CDC6: variants seen among roughly 807,000 people sequenced by gnomAD.
CDC6 encodes the protein cell division cycle 6, also known as DNA replication factor CDC6.
Under a neutral mutation model 60.2 loss-of-function variants are expected in CDC6, and 46 were observed. That is an observed-to-expected ratio of 0.76 (90% CI 0.60 to 0.98). The LOEUF is 0.98. CDC6 is among the 50% of genes least tolerant of loss of function. The pLI is 0.00. For synonymous variants in CDC6, 210 were observed against 233.2 expected, an observed-to-expected ratio of 0.90 and a Z score of 0.90; for missense variants, 596 against 652.9, an observed-to-expected ratio of 0.91 and a Z score of 0.95.
At position 40,294,414 on chromosome 17, in the gene CDC6, G is replaced by A. The variant is rs372655847; in HGVS notation, c.994G>A (p.Ala332Thr). Residue 332 changes from alanine (A) to threonine (T), a missense_variant, in exon 7 of 12, where the codon GCT (alanine) becomes ACT (threonine). Ala to Thr is a moderately conservative substitution (Grantham distance 58, BLOSUM62 0). Coordinates refer to ENST00000209728, the MANE Select transcript of CDC6 (RefSeq NM_001254.4). ...LTDRILPRLQ[A>T]REKCKPQLLN... ...AGATAGAATTCTACCTAGGCTTCAA[G>A]CTAGAGAAAAATGTAAGCCACAGCT... 3 of 1,610,736 alleles carry A rather than the reference G, an allele frequency of 1.9e-6. No individual in the cohort carries two copies. Among genetic ancestry groups the A allele is most frequent in the Non-Finnish European group, 2.5e-6 (3 of 1,177,126 alleles).
intron 8 of CDC6, among the ~76,000 whole-genome samples, chr17:40,295,737 A>C (rs2032849488): frequency 6.6e-6 from 1 of 152,186 alleles, no homozygotes; most frequent in South Asian, 2.1e-4. Flanking sequence ...TGTATTAAAA[A>C]AGACTCCAGT....
chr17:40,297,734 C>A (rs968828892), intron 9 of CDC6, among the ~76,000 whole-genome samples: 1 of 151,950 alleles, frequency 6.6e-6, no homozygotes, highest in Admixed American at 6.6e-5. Context: ...TGCCACTGCA[C>A]TGCCAGCCTG....
intron 9 of CDC6, among the ~76,000 whole-genome samples, chr17:40,297,666 G>T (rs1347372099): frequency 6.6e-6 from 1 of 152,176 alleles, no homozygotes; most frequent in Non-Finnish European, 1.5e-5. Context: ...TACTTGGCAG[G>T]CTGAGGCAGG....
Position 40,304,080 on chromosome 17 carries a change from A to C in CDC6, c.*2079A>C. ...CACATTGGTAGATTCAAAGGGGCCA[A>C]ATTTCTTTCCCCTCTATCTTTCCCT... On this transcript the variant is annotated 3_prime_UTR_variant, in exon 12 of 12. Coordinates refer to ENST00000209728, the MANE Select transcript of CDC6 (RefSeq NM_001254.4). The C allele has an allele frequency of 6.6e-6, 1 of 152,258 alleles. No homozygotes were observed. 9.4% of individuals were successfully genotyped at this position (152,258 alleles called of 1,614,324 possible).
intron 1 of CDC6, 128 bp from the exon 2 acceptor site, chr17:40,289,280 G>A: frequency 1.2e-6 from 1 of 818,270 alleles, no homozygotes; most frequent in Admixed American, 2.1e-5. Flanking sequence ...AAAAGTGAAT[G>A]CTAAAATAAG....
intron 4 of CDC6, among the ~76,000 whole-genome samples, chr17:40,293,168 G>A (rs1220718447): frequency 3.3e-5 from 5 of 152,058 alleles, no homozygotes; most frequent in African/African-American, 1.2e-4. Flanking sequence ...CAACCCGGGA[G>A]GCAGAGGTTG....
chr17:40,298,918 C>G (rs12602877), intron 9 of CDC6, among the ~76,000 whole-genome samples: 1 of 152,196 alleles, frequency 6.6e-6, no homozygotes, highest in Admixed American at 6.5e-5. Context: ...AAATAGACTT[C>G]TAAATTCCTT....
Position 40,291,529 on chromosome 17 carries a change from C to T in CDC6, c.521C>T (p.Ala174Val). ...LNTAVPDRLP[A>V]REREMDVIRN... is the part of the protein sequence containing the mutation. Reference sequence around the variant, plus strand: ...ACAGCTGTCCCAGATCGGCTGCCTGCCAGGGAAAGGGAGATGGATGTCATC... The same window carrying T: ...ACAGCTGTCCCAGATCGGCTGCCTGTCAGGGAAAGGGAGATGGATGTCATC... Residue 174 changes from alanine (A) to valine (V), a missense_variant, in exon 4 of 12, where the codon GCC becomes GTC. Ala to Val is a moderately conservative substitution (Grantham distance 64, BLOSUM62 0). Transcript: ENST00000209728. 6.2e-7 allele frequency: 1 copy of T among 1,614,154 alleles called. No individual in the cohort carries two copies. Among genetic ancestry groups the T allele is most frequent in the Non-Finnish European group, 8.5e-7 (1 of 1,180,012 alleles).
chr17:40,293,249 A>AAAAG (rs369074092), intron 4 of CDC6, among the ~76,000 whole-genome samples: 225 of 152,342 alleles, frequency 1.5e-3, no homozygotes, highest in African/African-American at 5.2e-3. Context: ...AAAGAAAAAA[A>AAAAG]AAAGAAAGAA....
Position 40,289,517 on chromosome 17 carries a change from A to C in CDC6, c.97A>C (p.Lys33Gln), listed in dbSNP as rs757875648. The change falls in exon 2 of 12, where the codon AAA becomes CAA. Residue 33 changes from lysine to glutamine, a missense_variant. Lys to Gln is a moderately conservative substitution (Grantham distance 53). Transcript: ENST00000209728. The stretch of plus-strand genomic sequence containing the variant: ...CAAAGCTAAAAACTCCAGTGATGCC[A>C]AACTAGAACCAACAAATGTCCAAAC... ...LNKAKNSSDAKLEPTNVQTVT... is the reference protein window; with the variant it reads ...LNKAKNSSDAQLEPTNVQTVT... 25 of 1,614,084 alleles carry C rather than the reference A, an allele frequency of 1.5e-5. No homozygotes were observed. The highest frequency in any genetic ancestry group is 5.0e-5 in the Admixed American group (3 of 60,014).
intron 10 of CDC6, 77 bp downstream of exon 10, chr17:40,301,107 C>T (rs1397783032): frequency 2.1e-6 from 2 of 966,408 alleles, no homozygotes; most frequent in Non-Finnish European, 3.4e-6. Flanking sequence ...TCCAAAAGGC[C>T]TATGATACTT....
Position 40,302,499 on chromosome 17 carries a change from T to A in CDC6, c.*498T>A. 6.3e-6 allele frequency: 1 copy of A among 158,378 alleles called. No individual in the cohort carries two copies. The highest frequency in any genetic ancestry group is 1.4e-5 in the Non-Finnish European group (1 of 71,980). The allele number at this position is 158,378 out of a possible 1,614,324, so 9.8% of individuals were successfully genotyped here. A position where few individuals can be genotyped will look rare whatever the true frequency, so the allele number is the denominator to read the frequency against. ...CCTCCCGAGTAGCTGGGATTACAGGTGCCCACCACCGCGCCCAGCTAATTT... is the reference window on the plus strand; with the variant it reads ...CCTCCCGAGTAGCTGGGATTACAGGAGCCCACCACCGCGCCCAGCTAATTT... On this transcript the variant is annotated 3_prime_UTR_variant, in exon 12 of 12. Coordinates refer to ENST00000209728, the MANE Select transcript of CDC6 (RefSeq NM_001254.4).
chr17:40,288,008 A>T lies in CDC6; in HGVS notation c.-96A>T, dbSNP rs2143059927. 1 of 153,818 alleles carries T rather than the reference A, an allele frequency of 6.5e-6. No individual in the cohort carries two copies. Among genetic ancestry groups the T allele is most frequent in the South Asian group, 2.0e-4 (1 of 4,880 alleles). 9.5% of individuals were successfully genotyped at this position (153,818 alleles called of 1,614,324 possible). On this transcript the variant is annotated 5_prime_UTR_variant, in exon 1 of 12. Coordinates refer to ENST00000209728, the MANE Select transcript of CDC6 (RefSeq NM_001254.4). ...GAAGGATCCTGCACTGAGGAGGTGG[A>T]AAGAAGAGGATTGCTCGAGGAGGCC... is the stretch of plus-strand genomic sequence containing the variant.
intron 4 of CDC6, among the ~76,000 whole-genome samples, chr17:40,292,760 T>C (rs1424880729): frequency 6.6e-6 from 1 of 151,176 alleles, no homozygotes; most frequent in Non-Finnish European, 1.5e-5. Flanking sequence ...AAACCCCGTC[T>C]CTACTAAAAA....
At chr17:40,296,675 A>T in intron 8 of CDC6, 28 bp from the exon 9 acceptor site, 10 of 1,390,862 alleles carry the variant, frequency 7.2e-6, no homozygotes, top group Non-Finnish European at 1.0e-5. Context: ...GGCTCAGACT[A>T]AATTAATTTT....
At position 40,291,643 on chromosome 17, in the gene CDC6, T is replaced by A; in HGVS notation, c.635T>A (p.Leu212Ter). The change falls in exon 4 of 12, where the codon TTA becomes TAA. Residue 212 changes from leucine to a stop codon, truncating the protein, a stop_gained. Transcript: ENST00000209728. LOFTEE classifies it high-confidence loss of function. ...GAPGTGKTACLSRILQDLKKE... is the reference protein window; with the variant it reads ...GAPGTGKTAC ...CCTGGAACTGGAAAAACTGCCTGCTTAAGCCGGATTCTGCAAGACCTCAAG... is the reference window on the plus strand; with the variant it reads ...CCTGGAACTGGAAAAACTGCCTGCTAAAGCCGGATTCTGCAAGACCTCAAG... The A allele has an allele frequency of 6.2e-7, 1 of 1,614,190 alleles. No homozygotes were observed. Among genetic ancestry groups the A allele is most frequent in the South Asian group, 1.1e-5 (1 of 91,088 alleles).
intron 1 of CDC6, 157 bp downstream of exon 1, chr17:40,288,247 A>G (rs2032692184): frequency 1.3e-5 from 2 of 153,192 alleles, no homozygotes; most frequent in African/African-American, 4.8e-5. Flanking sequence ...AGAGCTGCCT[A>G]GAATGAGGAC....
intron 1 of CDC6, 138 bp downstream of exon 1, chr17:40,288,228 G>A (rs1198926359): frequency 6.5e-6 from 1 of 152,996 alleles, no homozygotes; most frequent in Non-Finnish European, 1.5e-5. Flanking sequence ...AATATTCTGG[G>A]GTGCGTTGAG....
chr17:40,294,232 G>A, intron 6 of CDC6, 132 bp from the exon 7 acceptor site: 1 of 888,438 alleles, frequency 1.1e-6, no homozygotes. Context: ...TTGGGATGGG[G>A]TAGGAGACAA....
Sources: gnomAD v4.1 joint callset for allele counts (sites outside exome capture counted in the v4.1 genomes callset) on GRCh38, gnomAD v4.1.1 for gene constraint, MANE v1.5 for transcripts, NCBI Gene and HGNC (gene_info 2026-07-23, HGNC 2026-07-21) for gene names.